Variants in NKAIN3 observed in about 807,000 individuals in gnomAD.
NKAIN3 encodes sodium/potassium-transporting ATPase subunit beta-1-interacting protein 3.
A neutral mutation model predicts 30.2 loss-of-function variants in NKAIN3; 25 were observed. The ratio of observed to expected loss-of-function variants is 0.83; its 90% CI spans 0.60 to 1.16. NKAIN3 has a LOEUF of 1.16. NKAIN3 is among the 50% of genes most tolerant of loss of function. The pLI, the probability that NKAIN3 is intolerant of heterozygous loss-of-function variation, is 0.00. For synonymous variants in NKAIN3, 91 were observed against 89.6 expected (o/e 1.02, Z -0.09); for missense variants, 225 against 254.1 (o/e 0.89, Z 0.78).
intron 4 of NKAIN3, among the ~76,000 whole-genome samples, chr8:62,884,085 T>C (rs954970088): frequency 9.2e-5 from 14 of 152,214 alleles, no homozygotes; most frequent in Middle Eastern, 3.2e-3. Context: ...GAACTCTTTT[T>C]ATACATTGTT....
chr8:62,372,005 A>G (rs944349524), intron 1 of NKAIN3, among the ~76,000 whole-genome samples: 1 of 151,670 alleles, frequency 6.6e-6, no homozygotes, highest in Non-Finnish European at 1.5e-5. Context: ...TTTTCTATTT[A>G]CTATACTTGA....
rs375388059 is a variant in NKAIN3 at position 62,934,491 on chromosome 8, C to T, written c.532+15978C>T. 4.6e-5 allele frequency among the ~76,000 whole-genome samples: 7 copies of T among 152,162 alleles called. No individual in the cohort carries two copies. In the East Asian group the frequency reaches 1.4e-3, roughly 29 times the overall value. ...TAGGGGAGGGCTGGAATGGTGAGAG[C>T]TGGTGTGTTACAGACATCTTTATTA... On this transcript the variant is annotated intron_variant, in intron 5 of 6. Coordinates refer to ENST00000623646, the MANE Select transcript of NKAIN3 (RefSeq NM_001304533.3).
chr8:62,535,814 G>A (rs1808642764), intron 1 of NKAIN3, among the ~76,000 whole-genome samples: 1 of 152,052 alleles, frequency 6.6e-6, no homozygotes, highest in Non-Finnish European at 1.5e-5. Context: ...CCAGAGAATA[G>A]GGTGGGATCC....
chr8:62,939,013 A>G (rs1261455117), intron 5 of NKAIN3, among the ~76,000 whole-genome samples: 1 of 152,236 alleles, frequency 6.6e-6, no homozygotes, highest in Admixed American at 6.5e-5. Flanking sequence ...GTTACTGGAT[A>G]TGGATGGAAA....
intron 3 of NKAIN3, among the ~76,000 whole-genome samples, chr8:62,693,488 C>G (rs889400758): frequency 9.2e-5 from 14 of 152,124 alleles, no homozygotes; most frequent in Non-Finnish European, 1.8e-4. Flanking sequence ...AAGGCTTAGC[C>G]CATCTGCATC....
At chr8:62,468,028 G>T (rs1197692138) in intron 1 of NKAIN3, among the ~76,000 whole-genome samples, 5 of 152,036 alleles carry the variant, frequency 3.3e-5, no homozygotes, top group African/African-American at 1.2e-4. Flanking sequence ...CCGCCTCAGA[G>T]TTTTTATTTT....
intron 1 of NKAIN3, among the ~76,000 whole-genome samples, chr8:62,573,973 T>C (rs1227310552): frequency 6.6e-6 from 1 of 152,134 alleles, no homozygotes; most frequent in Non-Finnish European, 1.5e-5. Context: ...CTAGACCTTG[T>C]TCATACTTTC....
intron 1 of NKAIN3, among the ~76,000 whole-genome samples, chr8:62,453,871 G>A (rs1317951085): frequency 6.6e-6 from 1 of 151,826 alleles, no homozygotes; most frequent in African/African-American, 2.4e-5. Context: ...GTTCTGAAAT[G>A]GAATAAAAAT....
Position 62,530,579 on chromosome 8 carries a change from T to C in NKAIN3, c.55-48960T>C, listed in dbSNP as rs1808457443. 2.6e-5 allele frequency among the ~76,000 whole-genome samples: 4 copies of C among 152,214 alleles called. No homozygotes were observed. The South Asian group carries it at 8.3e-4, about 32-fold the overall frequency. On this transcript the variant is annotated intron_variant, in intron 1 of 6. Transcript: ENST00000623646. ...GGTTGACAATATTGCATTGAGTCAT[T>C]TTTCTCTACTCTGCATTTCCTGGTA... is the stretch of plus-strand genomic sequence containing the variant.
chr8:62,469,348 G>A (rs1806254373), intron 1 of NKAIN3, among the ~76,000 whole-genome samples: 1 of 152,182 alleles, frequency 6.6e-6, no homozygotes, highest in African/African-American at 2.4e-5. Flanking sequence ...TTCATCTTAT[G>A]TGTGAGAGCA....
intron 4 of NKAIN3, among the ~76,000 whole-genome samples, chr8:62,809,079 C>T (rs760223049): frequency 6.6e-5 from 10 of 152,114 alleles, no homozygotes; most frequent in Admixed American, 3.9e-4. Flanking sequence ...TTCTCCTATT[C>T]GCTTTTGTAA....
At chr8:62,874,685 C>T (rs1471851425) in intron 4 of NKAIN3, among the ~76,000 whole-genome samples, 1 of 152,126 alleles carries the variant, frequency 6.6e-6, no homozygotes, top group East Asian at 1.9e-4. Context: ...TAAATATAAT[C>T]CATCACATAA....
At position 62,670,901 on chromosome 8, in the gene NKAIN3, A is replaced by ACACACC. The variant is rs1192675452; in HGVS notation, c.274-76026_274-76025insCCACAC. On this transcript the variant is annotated intron_variant, in intron 3 of 6. Transcript: ENST00000623646. ...CAAGCACACACACACACACACACAC[A>ACACACC]CACACACACACACACACACGTATAC... Among the ~76,000 whole-genome samples the ACACACC allele has an allele frequency of 6.7e-4, 101 of 151,864 alleles. 1 individual carries two copies. In the Middle Eastern group the frequency reaches 0.01, roughly 15 times the overall value.
At chr8:62,416,922 G>T (rs1314482709) in intron 1 of NKAIN3, among the ~76,000 whole-genome samples, 4 of 151,782 alleles carry the variant, frequency 2.6e-5, no homozygotes, top group Admixed American at 2.6e-4. Flanking sequence ...AACCTGGGAG[G>T]CGGAGGCTGC....
chr8:62,966,309 C>T lies in NKAIN3; in HGVS notation c.*902C>T, dbSNP rs936459705. The T allele has an allele frequency of 7.1e-6, 7 of 983,630 alleles. No homozygotes were observed. Among genetic ancestry groups the T allele is most frequent in the Non-Finnish European group, 8.4e-6 (7 of 828,476 alleles). The allele number at this position is 983,630 out of a possible 1,614,324, so 60.9% of individuals were successfully genotyped here. On this transcript the variant is annotated 3_prime_UTR_variant, in exon 7 of 7. Coordinates refer to ENST00000623646, the MANE Select transcript of NKAIN3 (RefSeq NM_001304533.3). ...TAAATACTTCTAAAGGAGACATTCA[C>T]GTGTGAGCAACATCAGCTTTTCTTT...
intron 1 of NKAIN3, among the ~76,000 whole-genome samples, chr8:62,275,927 G>A (rs1360298968): frequency 6.6e-6 from 1 of 152,082 alleles, no homozygotes; most frequent in Non-Finnish European, 1.5e-5. Flanking sequence ...GGCTGTAACA[G>A]CTATGTAGAA....
chr8:62,364,204 GAAAC>G (rs2129592727), intron 1 of NKAIN3, among the ~76,000 whole-genome samples: 1 of 152,280 alleles, frequency 6.6e-6, no homozygotes, highest in Non-Finnish European at 1.5e-5. Context: ...TGAAAGCACT[GAAAC>G]AAATTAGGGC....
intron 1 of NKAIN3, among the ~76,000 whole-genome samples, chr8:62,396,167 T>A (rs961945398): frequency 6.6e-6 from 1 of 152,156 alleles, no homozygotes. Flanking sequence ...CACACACACA[T>A]GCACACACAC....
chr8:62,570,679 G>A (rs1809908177), intron 1 of NKAIN3, among the ~76,000 whole-genome samples: 1 of 152,084 alleles, frequency 6.6e-6, no homozygotes, highest in Non-Finnish European at 1.5e-5. Flanking sequence ...GGGAATTATG[G>A]GAGCTGCAAG....
Sources: allele counts gnomAD v4.1 joint callset (sites outside exome capture counted in the v4.1 genomes callset), GRCh38; gene constraint gnomAD v4.1.1; transcripts MANE v1.5; gene names NCBI Gene and HGNC (gene_info 2026-07-23, HGNC 2026-07-21).